DDR2: variants seen among roughly 807,000 people sequenced by gnomAD.
The protein encoded by DDR2 is discoidin domain-containing receptor 2.
DDR2 carries 27 observed loss-of-function variants against 94.9 expected under a neutral mutation model. The observed-to-expected ratio is 0.28, with a 90% CI of 0.21 to 0.39. The LOEUF is 0.39. Among genes scored for constraint, DDR2 ranks in the 10% least tolerant of loss-of-function variants. DDR2 has a pLI of 1.00. For synonymous variants in DDR2, 382 were observed against 377.2 expected (o/e 1.01, Z -0.15); for missense variants, 783 against 1,076.0 (o/e 0.73, Z 3.81).
chr1:162,764,904 A>T (rs1346500342), intron 9 of DDR2, among the ~76,000 whole-genome samples: 1 of 152,220 alleles, frequency 6.6e-6, no homozygotes, highest in Non-Finnish European at 1.5e-5. Context: ...AGGGAAAAAA[A>T]TTTCAAGATG....
intron 2 of DDR2, among the ~76,000 whole-genome samples, chr1:162,656,181 A>G (rs1011406071): frequency 4.6e-5 from 7 of 152,176 alleles, no homozygotes; most frequent in Non-Finnish European, 8.8e-5. Context: ...CTGGAGCTCC[A>G]TATCTCCTTC....
intron 3 of DDR2, among the ~76,000 whole-genome samples, chr1:162,748,358 C>G (rs1662996965): frequency 6.6e-6 from 1 of 152,158 alleles, no homozygotes; most frequent in Non-Finnish European, 1.5e-5. Context: ...ATCCTAGTCT[C>G]TGATAAAACA....
chr1:162,729,294 A>ATTTTTTTTTT (rs1455925320), intron 3 of DDR2, among the ~76,000 whole-genome samples: 1 of 30,016 alleles, frequency 3.3e-5, no homozygotes, highest in African/African-American at 1.0e-4. Flanking sequence ...ATATATATAT[A>ATTTTTTTTTT]TATATATTTT....
intron 2 of DDR2, among the ~76,000 whole-genome samples, chr1:162,657,970 C>T (rs181480170): frequency 5.3e-5 from 8 of 152,208 alleles, no homozygotes; most frequent in African/African-American, 1.9e-4. Context: ...TTCTTCTCTC[C>T]CTTTGCCATT....
At chr1:162,717,316 G>A (rs1317744982) in intron 2 of DDR2, among the ~76,000 whole-genome samples, 3 of 152,282 alleles carry the variant, frequency 2.0e-5, no homozygotes, top group South Asian at 2.1e-4. Flanking sequence ...GATTACAGGC[G>A]TGAGCCACTG....
At chr1:162,685,852 G>A (rs1320810412) in intron 2 of DDR2, among the ~76,000 whole-genome samples, 1 of 152,152 alleles carries the variant, frequency 6.6e-6, no homozygotes, top group African/African-American at 2.4e-5. Flanking sequence ...AGCAGACAGA[G>A]GCTAAGTGAT....
intron 3 of DDR2, among the ~76,000 whole-genome samples, chr1:162,741,243 A>ATAATAT (rs1553250280): frequency 7.5e-6 from 1 of 133,560 alleles, no homozygotes. Context: ...ATAATATAAT[A>ATAATAT]TAGTATAATG....
At chr1:162,713,064 T>C (rs1660993529) in intron 2 of DDR2, among the ~76,000 whole-genome samples, 1 of 152,164 alleles carries the variant, frequency 6.6e-6, no homozygotes, top group Non-Finnish European at 1.5e-5. Context: ...CAAAAGGAGA[T>C]GATAATTTCT....
intron 3 of DDR2, among the ~76,000 whole-genome samples, chr1:162,749,916 A>C (rs1256853930): frequency 2.0e-5 from 3 of 152,214 alleles, no homozygotes; most frequent in Admixed American, 6.5e-5. Context: ...AAACCACATG[A>C]TTATCTCAAT....
At chr1:162,712,378 C>G (rs538099513) in intron 2 of DDR2, among the ~76,000 whole-genome samples, 10 of 151,802 alleles carry the variant, frequency 6.6e-5, no homozygotes, top group African/African-American at 2.4e-4. Context: ...CAGAAAAAGG[C>G]TTTTAGAAGC....
chr1:162,727,192 T>TATATTTATATTTTGTAAATATAAAC (rs1661718263), intron 3 of DDR2, among the ~76,000 whole-genome samples: 2 of 141,300 alleles, frequency 1.4e-5, no homozygotes, highest in African/African-American at 5.2e-5. Context: ...AATATAAACA[T>TATATTTATATTTTGTAAATATAAAC]ATATTTATAT....
chr1:162,637,823 G>T (rs1656904951), intron 1 of DDR2, among the ~76,000 whole-genome samples: 1 of 152,142 alleles, frequency 6.6e-6, no homozygotes, highest in Admixed American at 6.6e-5. Context: ...GGATCCAGAA[G>T]TAAAAGACGC....
intron 2 of DDR2, among the ~76,000 whole-genome samples, chr1:162,718,093 T>C (rs901592041): frequency 3.9e-5 from 6 of 152,194 alleles, no homozygotes; most frequent in Admixed American, 6.5e-5. Flanking sequence ...CTCATGGATA[T>C]TTATTTTATT....
intron 2 of DDR2, among the ~76,000 whole-genome samples, chr1:162,693,466 G>T (rs1660048504): frequency 6.6e-6 from 1 of 152,162 alleles, no homozygotes; most frequent in Admixed American, 6.5e-5. Flanking sequence ...AAGACATTTT[G>T]AGAGTGACAA....
At chr1:162,717,661 T>C (rs1661232920) in intron 2 of DDR2, among the ~76,000 whole-genome samples, 1 of 152,186 alleles carries the variant, frequency 6.6e-6, no homozygotes, top group African/African-American at 2.4e-5. Flanking sequence ...TCAGGAACTT[T>C]ATAGAATTTC....
intron 2 of DDR2, among the ~76,000 whole-genome samples, chr1:162,689,841 T>TGAAAAAA (rs1558028580): frequency 6.8e-5 from 1 of 14,686 alleles, no homozygotes; most frequent in African/African-American, 1.5e-4. Context: ...CCATCTCTAC[T>TGAAAAAA]TAAAAAAAAA....
At chr1:162,746,883 G>A (rs925300008) in intron 3 of DDR2, among the ~76,000 whole-genome samples, 2 of 152,222 alleles carry the variant, frequency 1.3e-5, no homozygotes, top group African/African-American at 2.4e-5. Flanking sequence ...AGGGTCTGGA[G>A]TGGACCTCCA....
intron 2 of DDR2, among the ~76,000 whole-genome samples, chr1:162,703,164 G>T (rs886588357): frequency 6.6e-6 from 1 of 152,180 alleles, no homozygotes; most frequent in Non-Finnish European, 1.5e-5. Flanking sequence ...ATAAGGCATT[G>T]TGCTATGTGC....
chr1:162,748,872 C>T (rs1663027894), intron 3 of DDR2, among the ~76,000 whole-genome samples: 1 of 152,174 alleles, frequency 6.6e-6, no homozygotes, highest in African/African-American at 2.4e-5. Context: ...TGCTCAACTA[C>T]ATGGAAACTG....
Sources: gnomAD v4.1 joint callset for allele counts (sites outside exome capture counted in the v4.1 genomes callset) on GRCh38, gnomAD v4.1.1 for gene constraint, MANE v1.5 for transcripts, NCBI Gene and HGNC (gene_info 2026-07-23, HGNC 2026-07-21) for gene names.